The following ARHGAP39 variants were observed in gnomAD, a reference collection of about 807,000 sequenced individuals.
ARHGAP39 encodes the protein Rho GTPase activating protein 39.
ARHGAP39 carries 44 observed loss-of-function variants against 106.9 expected under a neutral mutation model. The ratio of observed to expected loss-of-function variants is 0.41; its 90% CI spans 0.32 to 0.53. The LOEUF is 0.53. Ranked by LOEUF, ARHGAP39 falls within the 20% of genes least tolerant of loss-of-function variation. The probability of loss-of-function intolerance (pLI) is 0.21; values close to 1 mark genes in which losing one functional copy is unlikely to be tolerated. For synonymous variants in ARHGAP39, 768 were observed against 693.2 expected, an observed-to-expected ratio of 1.11 and a Z score of -1.69; for missense variants, 1,496 against 1,577.3, an observed-to-expected ratio of 0.95 and a Z score of 0.87.
At chr8:144,545,968 G>A (rs1817402438) in intron 5 of ARHGAP39, among the ~76,000 whole-genome samples, 158 bp from the exon 6 acceptor site, 2 of 152,218 alleles carry the variant, frequency 1.3e-5, no homozygotes, top group African/African-American at 4.8e-5. Context: ...TGAGGTGGGA[G>A]GCCCAGGGGA....
intron 1 of ARHGAP39, among the ~76,000 whole-genome samples, chr8:144,660,763 T>C (rs1469780910): frequency 6.6e-6 from 1 of 152,142 alleles, no homozygotes; most frequent in African/African-American, 2.4e-5. Context: ...GCAGATCACT[T>C]GAGGTCAGGA....
intron 1 of ARHGAP39, among the ~76,000 whole-genome samples, chr8:144,619,468 T>C (rs1820728462): frequency 6.7e-6 from 1 of 149,672 alleles, no homozygotes; most frequent in African/African-American, 2.5e-5. Flanking sequence ...GCGCGTGAGC[T>C]CGTGTGTCCC....
chr8:144,664,226 C>CT (rs2129698004), intron 1 of ARHGAP39, among the ~76,000 whole-genome samples: 1 of 152,270 alleles, frequency 6.6e-6, no homozygotes, highest in African/African-American at 2.4e-5. Flanking sequence ...TTCCAACAGC[C>CT]TATCCCCTCC....
Position 144,540,403 on chromosome 8 carries a change from G to A in ARHGAP39, c.2522-2590C>T, listed in dbSNP as rs977570062. Among the ~76,000 whole-genome samples, 49 of 152,238 alleles carry A rather than the reference G, an allele frequency of 3.2e-4. 1 individual carries two copies. The highest frequency in any genetic ancestry group is 3.4e-3 in the Middle Eastern group (1 of 292). ...AGAGTCTCAGAATAAATAAATACAT[G>A]CGACTGTACTCCACCCTGGAGACCC... On this transcript the variant is annotated intron_variant, in intron 6 of 11. Coordinates refer to ENST00000377307, the MANE Select transcript of ARHGAP39 (RefSeq NM_025251.3).
intron 1 of ARHGAP39, among the ~76,000 whole-genome samples, chr8:144,674,739 C>A (rs1822187068): frequency 6.6e-6 from 1 of 152,220 alleles, no homozygotes; most frequent in Non-Finnish European, 1.5e-5. Context: ...CTGCCCTCAG[C>A]CCCTCCTCGG....
chr8:144,540,668 G>A (rs1817151669), intron 6 of ARHGAP39, among the ~76,000 whole-genome samples: 1 of 151,938 alleles, frequency 6.6e-6, no homozygotes, highest in African/African-American at 2.4e-5. Flanking sequence ...GCTGGGCTTG[G>A]TAGTGCCTGT....
Position 144,647,419 on chromosome 8 carries a change from C to T in ARHGAP39, c.-82+38267G>A, listed in dbSNP as rs117042467. Reference sequence around the variant, plus strand: ...GTGCAGAGTCCCTGAGACTTCCCCACAGGCACCATGGGCTTGAGTCCTGTG... The same window carrying T: ...GTGCAGAGTCCCTGAGACTTCCCCATAGGCACCATGGGCTTGAGTCCTGTG... On this transcript the variant is annotated intron_variant, in intron 1 of 11. Coordinates refer to ENST00000377307, the MANE Select transcript of ARHGAP39 (RefSeq NM_025251.3). This position sits in a 1 kb window ranked among gnomAD's most constrained non-coding sequence, Gnocchi z 4.8. Among the ~76,000 whole-genome samples, 2,549 of 152,322 alleles carry T rather than the reference C, an allele frequency of 0.017. 29 individuals are homozygous for T. Among genetic ancestry groups the T allele is most frequent in the South Asian group, 0.039 (188 of 4,818 alleles).
intron 1 of ARHGAP39, among the ~76,000 whole-genome samples, chr8:144,628,943 C>T (rs976428460): frequency 2.0e-5 from 3 of 152,150 alleles, no homozygotes; most frequent in African/African-American, 7.2e-5. Context: ...CTTTTGCGCC[C>T]GGGAGGACGC....
At chr8:144,576,006 C>T (rs1485195472) in intron 3 of ARHGAP39, among the ~76,000 whole-genome samples, 3 of 152,162 alleles carry the variant, frequency 2.0e-5, no homozygotes, top group Admixed American at 6.5e-5. Context: ...TCTACCCAAA[C>T]TAATCCATAA....
intron 1 of ARHGAP39, among the ~76,000 whole-genome samples, chr8:144,614,842 C>A (rs528446818): frequency 6.6e-5 from 10 of 152,294 alleles, no homozygotes; most frequent in African/African-American, 2.2e-4. Flanking sequence ...AACAGGCACT[C>A]TTCTTAGTGT....
At chr8:144,603,900 G>T (rs1212494265) in intron 2 of ARHGAP39, among the ~76,000 whole-genome samples, 1 of 144,166 alleles carries the variant, frequency 6.9e-6, no homozygotes, top group Non-Finnish European at 1.5e-5. Flanking sequence ...AGGGACACAG[G>T]ATCCAGCGAG....
rs1454832273 is a variant in ARHGAP39, at chr8:144,679,367, G to A, written c.-82+6319C>T. 1.3e-5 allele frequency among the ~76,000 whole-genome samples: 2 copies of A among 152,198 alleles called. No individual in the cohort carries two copies. The highest frequency in any genetic ancestry group is 2.9e-5 in the Non-Finnish European group (2 of 68,036). ...CAGGATGGTGCCGGAAAAGACACTA[G>A]GTTTCTGCCACTCTCTTGCCATAAA... On this transcript the variant is annotated intron_variant, in intron 1 of 11. Transcript: ENST00000377307. The surrounding 1 kb of genome is among the most constrained non-coding windows in gnomAD (Gnocchi z 4.7).
chr8:144,599,215 C>T (rs1232448271), intron 2 of ARHGAP39, among the ~76,000 whole-genome samples: 1 of 152,234 alleles, frequency 6.6e-6, no homozygotes, highest in East Asian at 1.9e-4. Flanking sequence ...CAGAATTATA[C>T]AAGCAGACTG....
At chr8:144,656,576 G>A in intron 1 of ARHGAP39, among the ~76,000 whole-genome samples, 1 of 152,006 alleles carries the variant, frequency 6.6e-6, no homozygotes, top group Admixed American at 6.6e-5. Flanking sequence ...GCTGTGGTGG[G>A]CGGATCACCC....
intron 1 of ARHGAP39, among the ~76,000 whole-genome samples, chr8:144,629,518 T>A (rs1020900339): frequency 6.6e-6 from 1 of 152,246 alleles, no homozygotes; most frequent in South Asian, 2.1e-4. Context: ...GAGGGGCTCA[T>A]CCTGCATGAG....
chr8:144,601,889 C>T (rs374798131), intron 2 of ARHGAP39, among the ~76,000 whole-genome samples: 2 of 57,512 alleles, frequency 3.5e-5, no homozygotes, highest in East Asian at 6.1e-4. Context: ...CTGTGTGTGT[C>T]CATGGAGGCG....
Position 144,547,688 on chromosome 8 carries a change from T to C in ARHGAP39, c.1398A>G (p.Pro466=), listed in dbSNP as rs1389503662. 1.3e-6 allele frequency: 2 copies of C among 1,579,882 alleles called. No homozygotes were observed. The change falls in exon 5 of 12, where the codon CCA becomes CCG. Residue 466 remains proline (P), a synonymous_variant. Coordinates refer to ENST00000377307, the MANE Select transcript of ARHGAP39 (RefSeq NM_025251.3). The surrounding 1 kb of genome is among the most constrained non-coding windows in gnomAD (Gnocchi z 5.2). ...AGGACATGGCATCCTCCTGGGCCTG[T>C]GGCAGCGGCGTGGGCGGCTGGCTGT... is the stretch of plus-strand genomic sequence containing the variant. The part of the protein sequence containing the change: ...LRHSQPPTPL[P]QAQEDAMSWS...
chr8:144,595,963 C>T (rs534288456), intron 2 of ARHGAP39, among the ~76,000 whole-genome samples: 7 of 152,232 alleles, frequency 4.6e-5, no homozygotes, highest in South Asian at 2.1e-4. Flanking sequence ...TTCTGCCAGG[C>T]GGCAGGTGTG....
chr8:144,662,631 C>CA, intron 1 of ARHGAP39, among the ~76,000 whole-genome samples: 1 of 151,328 alleles, frequency 6.6e-6, no homozygotes, highest in African/African-American at 2.4e-5. Context: ...CCGCTCCCCA[C>CA]TCCCCATTAT....
Sources: gnomAD v4.1 joint callset for allele counts (sites outside exome capture counted in the v4.1 genomes callset) on GRCh38, gnomAD v4.1.1 for gene constraint, Gnocchi (gnomAD v3.1) non-coding constraint, MANE v1.5 for transcripts, NCBI Gene and HGNC (gene_info 2026-07-23, HGNC 2026-07-21) for gene names.